Variants in BAHCC1 observed in about 807,000 individuals in gnomAD.
BAHCC1 encodes the protein BAH domain and coiled-coil containing 1, also known as BAH and coiled-coil domain-containing protein 1.
BAHCC1 carries 43 observed loss-of-function variants against 88.2 expected under a neutral mutation model. The ratio of observed to expected loss-of-function variants is 0.49; its 90% CI spans 0.38 to 0.63. BAHCC1 has a LOEUF of 0.63. Ranked by LOEUF, BAHCC1 falls within the 20% of genes least tolerant of loss-of-function variation. The pLI is 0.00. For missense variants in BAHCC1, 3,023 were observed against 1,654.8 expected (o/e 1.83, Z -14.34); for synonymous variants, 1,510 against 745.5 (o/e 2.03, Z -16.71).
At chr17:81,409,293 A>T (rs946861993) in intron 2 of BAHCC1, among the ~76,000 whole-genome samples, 2 of 152,220 alleles carry the variant, frequency 1.3e-5, no homozygotes, top group Admixed American at 6.5e-5. Context: ...GGATTGGCAG[A>T]TGGCGCTGTC....
At chr17:81,408,616 C>T (rs34224566) in intron 2 of BAHCC1, among the ~76,000 whole-genome samples, 32,684 of 152,134 alleles carry the variant, frequency 0.21, 4,577 homozygotes, top group East Asian at 0.55. Context: ...GAGGGGTCCC[C>T]GACTGCTCCA....
rs367839436 is a variant in BAHCC1, at chr17:81,463,714, G to A, written c.7724G>A (p.Ser2575Asn). 5.1e-6 allele frequency: 4 copies of A among 779,422 alleles called. No homozygotes were observed. The highest frequency in any genetic ancestry group is 1.7e-5 in the African/African-American group (1 of 59,148). The allele number at this position is 779,422 out of a possible 1,614,324, so 48.3% of individuals were successfully genotyped here. ...AREQYEQMAR[S>N]RKCQDRQDLY... is the part of the protein sequence containing the mutation. ...GAGCAGTATGAGCAGATGGCCCGGA[G>A]CCGCAAGTGCCAGGACCGGCAGGAC... The change falls in exon 28 of 28, where the codon AGC (serine) becomes AAC (asparagine). Residue 2575 changes from serine (S) to asparagine (N), a missense_variant. Physicochemically the swap from Ser to Asn is conservative, Grantham distance 46. Transcript: ENST00000675386.
At chr17:81,440,820 C>G (rs1301490245) in intron 4 of BAHCC1, among the ~76,000 whole-genome samples, 1 of 152,172 alleles carries the variant, frequency 6.6e-6, no homozygotes, top group Non-Finnish European at 1.5e-5. Context: ...TGGCCTTTCT[C>G]CATTTCAACA....
At chr17:81,395,732 G>T in intron 1 of BAHCC1, 97 bp downstream of exon 1, 1 of 147,716 alleles carries the variant, frequency 6.8e-6, no homozygotes, top group African/African-American at 2.5e-5. Context: ...ATTTTTTTTA[G>T]CAAAAGAAAT....
In BAHCC1 at chr17:81,399,605, C is replaced by T. The variant is rs2063786958; in HGVS notation, c.-135C>T. On this transcript the variant is annotated 5_prime_UTR_variant, in exon 2 of 28. Coordinates refer to ENST00000675386, the MANE Select transcript of BAHCC1 (RefSeq NM_001377448.1). This position sits in a 1 kb window ranked among gnomAD's most constrained non-coding sequence, Gnocchi z 4.5. The stretch of plus-strand genomic sequence containing the variant: ...CCGAGAAGCCCAGTCCTCCCGCGTG[C>T]TGACCGGCCCCGCCGCCACCACCGC... 2 of 547,686 alleles carry T rather than the reference C, an allele frequency of 3.7e-6. No individual in the cohort carries two copies. The highest frequency in any genetic ancestry group is 5.6e-6 in the Non-Finnish European group (2 of 358,168). The allele number at this position is 547,686 out of a possible 1,614,324, so 33.9% of individuals were successfully genotyped here.
chr17:81,398,987 C>T (rs2063775225), intron 1 of BAHCC1, among the ~76,000 whole-genome samples: 1 of 151,240 alleles, frequency 6.6e-6, no homozygotes, highest in Admixed American at 6.6e-5. Flanking sequence ...GCTTAATTAG[C>T]ATGGTTATTC....
At chr17:81,397,409 AAAAC>A (rs1265989406) in intron 1 of BAHCC1, among the ~76,000 whole-genome samples, 2 of 149,732 alleles carry the variant, frequency 1.3e-5, no homozygotes, top group African/African-American at 4.9e-5. Context: ...AAAAAAAAAA[AAAAC>A]AACCACAAAA....
At chr17:81,419,083 G>C (rs1555649249) in intron 2 of BAHCC1, among the ~76,000 whole-genome samples, 1 of 152,110 alleles carries the variant, frequency 6.6e-6, no homozygotes, top group Non-Finnish European at 1.5e-5. Context: ...GTATCTGGGG[G>C]TTGAGCCTGC....
intron 2 of BAHCC1, chr17:81,401,278 C>T (rs2063813362): frequency 6.5e-6 from 1 of 152,700 alleles, no homozygotes; most frequent in African/African-American, 2.4e-5. Context: ...GGGAGCCGCC[C>T]AGTGGAGGGG....
intron 10 of BAHCC1, among the ~76,000 whole-genome samples, chr17:81,446,373 G>T (rs1555654314): frequency 2.6e-5 from 4 of 151,002 alleles, no homozygotes. Context: ...AAAGCATCAT[G>T]TTTTACAAAT....
chr17:81,399,277 C>A lies in BAHCC1; in HGVS notation c.-206-257C>A, dbSNP rs1159431402. On this transcript the variant is annotated intron_variant, in intron 1 of 27. Coordinates refer to ENST00000675386, the MANE Select transcript of BAHCC1 (RefSeq NM_001377448.1). The surrounding 1 kb of genome is among the most constrained non-coding windows in gnomAD (Gnocchi z 4.5). ...CGAGAACGGGAGGCGGCGAGCAGTG[C>A]GGCTGGGTTCCCCCGGCTGCCCCGG... The A allele has an allele frequency of 2.8e-6, 1 of 354,932 alleles. No individual in the cohort carries two copies. Among genetic ancestry groups the A allele is most frequent in the South Asian group, 1.9e-5 (1 of 52,836 alleles). The allele number at this position is 354,932 out of a possible 1,614,324, so 22.0% of individuals were successfully genotyped here.
chr17:81,458,577 G>T (rs1555658144), intron 18 of BAHCC1, 44 bp from the exon 19 acceptor site: 2 of 672,794 alleles, frequency 3.0e-6, no homozygotes, highest in Non-Finnish European at 5.5e-6. Context: ...ACCTGAGGCT[G>T]TCCCACCCTT....
At chr17:81,405,825 T>A (rs2063871661) in intron 2 of BAHCC1, among the ~76,000 whole-genome samples, 1 of 152,226 alleles carries the variant, frequency 6.6e-6, no homozygotes, top group Non-Finnish European at 1.5e-5. Flanking sequence ...CTCTGGATCC[T>A]GTGAGGCAGC....
In BAHCC1 at chr17:81,441,811, C is replaced by T. The variant is rs1277873292; in HGVS notation, c.482-20C>T. ...CTCACCCCTAAGGCCTCCCATTGAC[C>T]TTGGCTCTTTCCCACACAGATAACT... On this transcript the variant is annotated intron_variant, in intron 4 of 27. Coordinates refer to ENST00000675386, the MANE Select transcript of BAHCC1 (RefSeq NM_001377448.1). The T allele has an allele frequency of 2.7e-5, 16 of 598,448 alleles. No homozygotes were observed. Among genetic ancestry groups the T allele is most frequent in the Non-Finnish European group, 4.9e-5 (16 of 325,408 alleles). 37.1% of individuals were successfully genotyped at this position (598,448 alleles called of 1,614,324 possible).
chr17:81,439,688 G>A (rs1418513082), intron 4 of BAHCC1, among the ~76,000 whole-genome samples: 2 of 151,924 alleles, frequency 1.3e-5, no homozygotes, highest in South Asian at 2.1e-4. Context: ...GAGCCCTGGC[G>A]TTTAGGGCTG....
At chr17:81,433,490 G>C in intron 3 of BAHCC1, among the ~76,000 whole-genome samples, 1 of 151,012 alleles carries the variant, frequency 6.6e-6, no homozygotes, top group African/African-American at 2.4e-5. Flanking sequence ...CCCAGGGCAG[G>C]AGTCATCAGT....
In BAHCC1 at chr17:81,451,750, C is replaced by T. The variant is rs1340957881; in HGVS notation, c.4059C>T (p.Gly1353=). 2.6e-6 allele frequency: 2 copies of T among 773,546 alleles called. No individual in the cohort carries two copies. The highest frequency in any genetic ancestry group is 4.8e-6 in the Non-Finnish European group (2 of 417,338). 47.9% of individuals were successfully genotyped at this position (773,546 alleles called of 1,614,324 possible). A position where few individuals can be genotyped will look rare whatever the true frequency, so the allele number is the denominator to read the frequency against. ...CCTGGTCCCTGGTGGAGGCCGCTGG[C>T]CTGGACAGCTCCACTGCCCCAGCGC... ...ATAWSLVEAA[G]LDSSTAPAQP... is the part of the protein sequence containing the mutation. The change falls in exon 12 of 28, where the codon GGC becomes GGT. Residue 1353 remains glycine, a synonymous_variant. Transcript: ENST00000675386.
In BAHCC1 at chr17:81,415,428, T is replaced by TC. The variant is rs2064007634; in HGVS notation, c.179-11367dup. ...CACAGAGTTTGGCAGGGGGCATACG[T>TC]CCCCCTGGAAGGGTAACGCGAGCGC... On this transcript the variant is annotated intron_variant, in intron 2 of 27. Coordinates refer to ENST00000675386, the MANE Select transcript of BAHCC1 (RefSeq NM_001377448.1). 4 of 403,454 alleles carry TC rather than the reference T, an allele frequency of 9.9e-6. No homozygotes were observed. The Admixed American group carries it at 1.1e-4, about 11-fold the overall frequency. 25.0% of individuals were successfully genotyped at this position (403,454 alleles called of 1,614,324 possible).
rs1421805036 is a variant in BAHCC1 at position 81,434,719 on chromosome 17, A to AG, written c.359-3648dup. 6.6e-6 allele frequency among the ~76,000 whole-genome samples: 1 copy of AG among 152,084 alleles called. No homozygotes were observed. Among genetic ancestry groups the AG allele is most frequent in the African/African-American group, 2.4e-5 (1 of 41,406 alleles). On this transcript the variant is annotated intron_variant, in intron 3 of 27. Transcript: ENST00000675386. This position sits in a 1 kb window ranked among gnomAD's most constrained non-coding sequence, Gnocchi z 4.9. Reference sequence around the variant, plus strand: ...GGAGCAGCCCCTGGTTTTCCACGGCAGGGATGCTCCCTGGAAGGGCAGCCT... The same window carrying AG: ...GGAGCAGCCCCTGGTTTTCCACGGCAGGGGATGCTCCCTGGAAGGGCAGCCT...
Sources: allele counts gnomAD v4.1 joint callset (sites outside exome capture counted in the v4.1 genomes callset), GRCh38; gene constraint gnomAD v4.1.1; non-coding constraint Gnocchi (gnomAD v3.1); transcripts MANE v1.5; gene names NCBI Gene and HGNC (gene_info 2026-07-23, HGNC 2026-07-21).